Variants in KLF12 observed in about 807,000 individuals in gnomAD.
The protein encoded by KLF12 is Krueppel-like factor 12.
Under a neutral mutation model 37.8 loss-of-function variants are expected in KLF12, and 9 were observed. The observed-to-expected ratio is 0.24, with a 90% CI of 0.14 to 0.42. KLF12 has a LOEUF of 0.42. Among genes scored for constraint, KLF12 ranks in the 10% least tolerant of loss-of-function variants. KLF12 has a pLI of 1.00. For missense variants in KLF12, 411 were observed against 516.0 expected, an observed-to-expected ratio of 0.80 and a Z score of 1.97; for synonymous variants, 208 against 202.1, an observed-to-expected ratio of 1.03 and a Z score of -0.25.
chr13:73,932,678 A>G (rs1415867423), intron 3 of KLF12, among the ~76,000 whole-genome samples: 6 of 152,176 alleles, frequency 3.9e-5, no homozygotes, highest in Admixed American at 2.0e-4. Flanking sequence ...CATTAAGTAA[A>G]TACAAACATT....
chr13:73,999,053 GTT>G (rs112725909), intron 1 of KLF12, among the ~76,000 whole-genome samples: 1 of 152,084 alleles, frequency 6.6e-6, no homozygotes, highest in African/African-American at 2.4e-5. Context: ...GCAAACTAGA[GTT>G]TTTTAACACA....
chr13:74,227,238 T>C, the KLF12 span, among the ~76,000 whole-genome samples: 1 of 152,124 alleles, frequency 6.6e-6, no homozygotes, highest in Non-Finnish European at 1.5e-5. Flanking sequence ...CACAATCCTC[T>C]TAATCTCAAG....
At chr13:73,797,289 C>T (rs893662429) in intron 5 of KLF12, among the ~76,000 whole-genome samples, 2 of 152,200 alleles carry the variant, frequency 1.3e-5, no homozygotes, top group African/African-American at 4.8e-5. Flanking sequence ...TTGGATGTTT[C>T]ATTATTGTAT....
At chr13:73,890,583 T>C (rs1030493258) in intron 3 of KLF12, among the ~76,000 whole-genome samples, 1 of 152,108 alleles carries the variant, frequency 6.6e-6, no homozygotes, top group African/African-American at 2.4e-5. Flanking sequence ...GATTTTACTA[T>C]GTTGTTAAAG....
chr13:74,035,681 G>A (rs974386042), intron 1 of KLF12, among the ~76,000 whole-genome samples: 12 of 152,120 alleles, frequency 7.9e-5, no homozygotes. Context: ...TCATTTCTGA[G>A]GGGTTGAAAG....
chr13:74,167,604 A>G, the KLF12 span, among the ~76,000 whole-genome samples: 1 of 152,240 alleles, frequency 6.6e-6, no homozygotes, highest in Non-Finnish European at 1.5e-5. Context: ...TCAATTTGGT[A>G]CTGAAATGAA....
At chr13:73,812,936 T>TC (rs1883020140) in intron 5 of KLF12, 1 of 521,570 alleles carries the variant, frequency 1.9e-6, no homozygotes, top group Admixed American at 3.2e-5. Context: ...TGCACATAGG[T>TC]CTTATATCTC....
rs972685755 is a variant in KLF12, at chr13:73,687,414, G to A, written c.*8076C>T. On this transcript the variant is annotated 3_prime_UTR_variant, in exon 8 of 8. Transcript: ENST00000377669. The stretch of plus-strand genomic sequence containing the variant: ...TGGACAGACACGTTGATAGGAAAGA[G>A]CCTTGAATATAGGCACCAGTGCCCC... 2 of 152,438 alleles carry A rather than the reference G, an allele frequency of 1.3e-5. No homozygotes were observed. The highest frequency in any genetic ancestry group is 2.9e-5 in the Non-Finnish European group (2 of 68,034). The allele number at this position is 152,438 out of a possible 1,614,324, so 9.4% of individuals were successfully genotyped here. A position where few individuals can be genotyped will look rare whatever the true frequency, so the allele number is the denominator to read the frequency against.
the KLF12 span, among the ~76,000 whole-genome samples, chr13:74,283,858 CTT>C: frequency 1.4e-5 from 2 of 143,536 alleles, no homozygotes; most frequent in Admixed American, 7.0e-5. Context: ...ATGTATAAAT[CTT>C]TTTTTTTTTT....
the KLF12 span, among the ~76,000 whole-genome samples, chr13:74,246,545 TG>T: frequency 5.3e-5 from 8 of 152,288 alleles, no homozygotes; most frequent in Non-Finnish European, 1.0e-4. Flanking sequence ...AAATAGAAAG[TG>T]GCCCCCTGCC....
chr13:73,817,383 C>A (rs561376490), intron 4 of KLF12, among the ~76,000 whole-genome samples: 1 of 150,200 alleles, frequency 6.7e-6, no homozygotes, highest in Non-Finnish European at 1.5e-5. Context: ...ACAAGACTTG[C>A]TATTTTATTC....
chr13:73,930,494 G>A (rs983023138), intron 3 of KLF12, among the ~76,000 whole-genome samples: 1 of 152,138 alleles, frequency 6.6e-6, no homozygotes, highest in Non-Finnish European at 1.5e-5. Context: ...TTGGGAAATT[G>A]AAAGTTTTTT....
intron 2 of KLF12, among the ~76,000 whole-genome samples, chr13:73,949,458 A>G (rs1448692424): frequency 6.6e-6 from 1 of 152,162 alleles, no homozygotes; most frequent in African/African-American, 2.4e-5. Flanking sequence ...CAAGTTTTCC[A>G]CATATTTTCT....
At chr13:73,785,821 G>A (rs1215802963) in intron 5 of KLF12, among the ~76,000 whole-genome samples, 1 of 152,140 alleles carries the variant, frequency 6.6e-6, no homozygotes, top group African/African-American at 2.4e-5. Flanking sequence ...TCTGCTGGAT[G>A]CCATGCATCC....
intron 3 of KLF12, among the ~76,000 whole-genome samples, chr13:73,851,767 A>G (rs1341284881): frequency 6.6e-6 from 1 of 152,204 alleles, no homozygotes; most frequent in African/African-American, 2.4e-5. Context: ...GGAAGTGCTT[A>G]AAGAAATTTA....
At chr13:74,272,141 T>C in the KLF12 span, among the ~76,000 whole-genome samples, 1 of 152,228 alleles carries the variant, frequency 6.6e-6, no homozygotes, top group African/African-American at 2.4e-5. Flanking sequence ...TTCTTTAACT[T>C]CTAAAGTGCT....
chr13:73,717,481 A>T (rs1351816597), intron 6 of KLF12, among the ~76,000 whole-genome samples: 1 of 152,112 alleles, frequency 6.6e-6, no homozygotes, highest in African/African-American at 2.4e-5. Flanking sequence ...GCTCCAGTGA[A>T]TTTTTTCTGA....
rs377249850 is a variant in KLF12, at chr13:74,094,848, C to A, written c.-32+38891G>T. Among the ~76,000 whole-genome samples, 69 of 152,338 alleles carry A rather than the reference C, an allele frequency of 4.5e-4. 1 individual carries two copies. The highest frequency in any genetic ancestry group is 6.8e-3 in the Middle Eastern group (2 of 294). On this transcript the variant is annotated intron_variant, in intron 1 of 7. Transcript: ENST00000377669. Reference sequence around the variant, plus strand: ...CTCCTGACCTCAAGTGATCCACCCACCTCAGCCTCCCAAAGTGCTGAGATT... The same window carrying A: ...CTCCTGACCTCAAGTGATCCACCCAACTCAGCCTCCCAAAGTGCTGAGATT...
intron 2 of KLF12, among the ~76,000 whole-genome samples, chr13:73,992,070 T>C: frequency 6.6e-6 from 1 of 152,184 alleles, no homozygotes; most frequent in East Asian, 1.9e-4. Context: ...AAGCAAAGTT[T>C]TAATGTGAAC....
Sources: allele counts gnomAD v4.1 joint callset (sites outside exome capture counted in the v4.1 genomes callset), GRCh38; gene constraint gnomAD v4.1.1; transcripts MANE v1.5; gene names NCBI Gene and HGNC (gene_info 2026-07-23, HGNC 2026-07-21).